DNAH11: variants seen among roughly 807,000 people sequenced by gnomAD.
The protein encoded by DNAH11 is dynein axonemal heavy chain 11.
In DNAH11, 442 loss-of-function variants were observed where a neutral mutation model predicts 526.0. The ratio of observed to expected loss-of-function variants is 0.84; its 90% CI spans 0.78 to 0.91. The LOEUF is 0.91. Ranked by LOEUF, DNAH11 falls within the 40% of genes least tolerant of loss-of-function variation. DNAH11 has a pLI of 0.00. For synonymous variants in DNAH11, 2,461 were observed against 1,935.9 expected, an observed-to-expected ratio of 1.27 and a Z score of -7.12; for missense variants, 6,989 against 5,448.7, an observed-to-expected ratio of 1.28 and a Z score of -8.90.
intron 38 of DNAH11, 25 bp from the exon 39 acceptor site, chr7:21,705,435 C>T (rs747536191): frequency 6.2e-7 from 1 of 1,611,686 alleles, no homozygotes; most frequent in South Asian, 1.1e-5. Flanking sequence ...TAAAGGAAAC[C>T]AGCAACCAGC....
At chr7:21,576,229 C>G (rs973561749) in intron 8 of DNAH11, among the ~76,000 whole-genome samples, 1 of 152,190 alleles carries the variant, frequency 6.6e-6, no homozygotes, top group Non-Finnish European at 1.5e-5. Context: ...AGAAGGACAG[C>G]GATTCATCTT....
intron 6 of DNAH11, among the ~76,000 whole-genome samples, chr7:21,568,653 T>G (rs1783765757): frequency 6.6e-6 from 1 of 152,154 alleles, no homozygotes; most frequent in Non-Finnish European, 1.5e-5. Context: ...GATTGTCTCA[T>G]CTATGCGAGG....
At chr7:21,735,481 G>A (rs1039192019) in intron 45 of DNAH11, among the ~76,000 whole-genome samples, 159 bp from the exon 46 acceptor site, 1 of 152,128 alleles carries the variant, frequency 6.6e-6, no homozygotes, top group African/African-American at 2.4e-5. Flanking sequence ...AAAATAAGGT[G>A]GAATCTCTCC....
rs142395448 is a variant in DNAH11 at position 21,669,242 on chromosome 7, A to G, written c.5328+10211A>G. Among the ~76,000 whole-genome samples the G allele has an allele frequency of 1.8e-3, 272 of 149,292 alleles. 1 individual carries two copies. The highest frequency in any genetic ancestry group is 6.3e-3 in the African/African-American group (260 of 41,438). ...GTCAACCAGGCTGGAGTGCAGTGGCACAATCTGCAGCCTCAAACTCCTGGG... is the reference window on the plus strand; with the variant it reads ...GTCAACCAGGCTGGAGTGCAGTGGCGCAATCTGCAGCCTCAAACTCCTGGG... On this transcript the variant is annotated intron_variant, in intron 30 of 81. Coordinates refer to ENST00000409508, the MANE Select transcript of DNAH11 (RefSeq NM_001277115.2).
intron 45 of DNAH11, among the ~76,000 whole-genome samples, chr7:21,730,750 C>A (rs1322833498): frequency 1.3e-5 from 2 of 152,094 alleles, no homozygotes; most frequent in African/African-American, 4.8e-5. Flanking sequence ...GAAATAAGTT[C>A]AAGAGATCTA....
Position 21,600,766 on chromosome 7 carries a change from A to G in DNAH11, c.3091A>G (p.Arg1031Gly). 1.2e-6 allele frequency: 2 copies of G among 1,613,912 alleles called. No homozygotes were observed. Among genetic ancestry groups the G allele is most frequent in the Non-Finnish European group, 8.5e-7 (1 of 1,179,844 alleles). ...TGTCATCAACAAAGTCTTAGATTTC[A>G]GAAACACCCTGGAGACCCACACTTA... ...VNVINKVLDF[R>G]NTLETHTYLW... The change falls in exon 16 of 82, where the codon AGA (arginine) becomes GGA (glycine). Residue 1031 changes from arginine to glycine, a missense_variant. Physicochemically the swap from Arg to Gly is moderately radical, Grantham distance 125. Transcript: ENST00000409508.
intron 30 of DNAH11, among the ~76,000 whole-genome samples, chr7:21,673,146 C>T (rs1782711784): frequency 6.6e-6 from 1 of 152,072 alleles, no homozygotes; most frequent in Non-Finnish European, 1.5e-5. Flanking sequence ...ACTGAGTTAT[C>T]TCTCTCTACT....
chr7:21,559,082 T>G, intron 3 of DNAH11, 84 bp downstream of exon 3: 3 of 1,227,356 alleles, frequency 2.4e-6, no homozygotes, highest in Non-Finnish European at 3.4e-6. Context: ...CCCAGCAATT[T>G]GGAGGCTGAG....
At chr7:21,725,117 G>A (rs548647459) in intron 44 of DNAH11, among the ~76,000 whole-genome samples, 1 of 152,332 alleles carries the variant, frequency 6.6e-6, no homozygotes, top group Non-Finnish European at 1.5e-5. Flanking sequence ...GCACCTCCCA[G>A]TAAAGAGAGC....
intron 30 of DNAH11, among the ~76,000 whole-genome samples, chr7:21,676,910 G>T (rs1782914233): frequency 6.6e-6 from 1 of 152,134 alleles, no homozygotes; most frequent in South Asian, 2.1e-4. Context: ...ACTTGCATAG[G>T]TATGGGTTGT....
At chr7:21,718,892 A>T (rs531382968) in intron 43 of DNAH11, among the ~76,000 whole-genome samples, 1 of 152,354 alleles carries the variant, frequency 6.6e-6, no homozygotes, top group South Asian at 2.1e-4. Flanking sequence ...TAAATAAACG[A>T]TAGTCTTCAA....
rs187334656 is a variant in DNAH11, at chr7:21,789,560, C to T, written c.10026+218C>T. ...AAAGTGCAAATGTTCATGGTTTCTA[C>T]AGCTAAGAAACATTTGCAGTCTGAT... is the stretch of plus-strand genomic sequence containing the variant. On this transcript the variant is annotated intron_variant, in intron 61 of 81. Coordinates refer to ENST00000409508, the MANE Select transcript of DNAH11 (RefSeq NM_001277115.2). Among the ~76,000 whole-genome samples, 11 of 152,218 alleles carry T rather than the reference C, an allele frequency of 7.2e-5. No individual in the cohort carries two copies. In the East Asian group the frequency reaches 1.9e-3, roughly 27 times the overall value.
intron 25 of DNAH11, among the ~76,000 whole-genome samples, chr7:21,627,268 T>G (rs1786384358): frequency 6.6e-6 from 1 of 152,190 alleles, no homozygotes; most frequent in Non-Finnish European, 1.5e-5. Flanking sequence ...CAGAAGCATT[T>G]TGTCTTGGCA....
At chr7:21,834,647 A>G (rs1210024650) in intron 65 of DNAH11, among the ~76,000 whole-genome samples, 1 of 152,174 alleles carries the variant, frequency 6.6e-6, no homozygotes, top group African/African-American at 2.4e-5. Flanking sequence ...AACCTGGTCA[A>G]CAGAGAGAAA....
chr7:21,776,375 AAAG>A lies in DNAH11; in HGVS notation c.9336+2377_9336+2379del, dbSNP rs1787672821. On this transcript the variant is annotated intron_variant, in intron 56 of 81. Transcript: ENST00000409508. The stretch of plus-strand genomic sequence containing the variant: ...AGTTTTAGAAATAAGTGGGTTATAA[AAAG>A]GGGATGGTTTCCTATGTGGAGAATT... 2.0e-5 allele frequency among the ~76,000 whole-genome samples: 3 copies of A among 152,328 alleles called. No individual in the cohort carries two copies. The South Asian group carries it at 6.2e-4, about 32-fold the overall frequency.
At chr7:21,686,333 A>G (rs1783373742) in intron 32 of DNAH11, among the ~76,000 whole-genome samples, 1 of 152,214 alleles carries the variant, frequency 6.6e-6, no homozygotes, top group South Asian at 2.1e-4. Context: ...CTCCATGTGT[A>G]TATCATTCAC....
At chr7:21,804,745 C>T (rs1257002830) in intron 62 of DNAH11, among the ~76,000 whole-genome samples, 6 of 152,160 alleles carry the variant, frequency 3.9e-5, no homozygotes, top group Non-Finnish European at 7.3e-5. Context: ...CCTAGGGTAC[C>T]TCTGCAGGCC....
At chr7:21,859,487 T>C (rs373933088) in intron 68 of DNAH11, among the ~76,000 whole-genome samples, 32 of 152,282 alleles carry the variant, frequency 2.1e-4, no homozygotes, top group African/African-American at 7.2e-4. Context: ...TATTCAAACA[T>C]CTGAAAAAAT....
chr7:21,724,879 G>A (rs1785033126), intron 44 of DNAH11, among the ~76,000 whole-genome samples: 1 of 146,242 alleles, frequency 6.8e-6, no homozygotes, highest in Non-Finnish European at 1.5e-5. Flanking sequence ...GGATATAGGA[G>A]TCTCTGGGCC....
Sources: allele counts gnomAD v4.1 joint callset (sites outside exome capture counted in the v4.1 genomes callset), GRCh38; gene constraint gnomAD v4.1.1; transcripts MANE v1.5; gene names NCBI Gene and HGNC (gene_info 2026-07-23, HGNC 2026-07-21).